DMD: variants seen among roughly 807,000 people sequenced by gnomAD.
DMD encodes dystrophin.
A neutral mutation model predicts 330.1 loss-of-function variants in DMD; 63 were observed. The observed-to-expected ratio is 0.19, with a 90% CI of 0.16 to 0.24. The LOEUF (loss-of-function observed/expected upper bound fraction) is 0.24. Among genes scored for constraint, DMD ranks in the 10% least tolerant of loss-of-function variants. DMD has a pLI of 1.00. For synonymous variants in DMD, 1,223 were observed against 959.8 expected, an observed-to-expected ratio of 1.27 and a Z score of -5.07; for missense variants, 3,344 against 2,684.1, an observed-to-expected ratio of 1.25 and a Z score of -5.43.
chrX:31,269,678 AAAG>A (rs2051465531), intron 62 of DMD, among the ~76,000 whole-genome samples: 1 of 112,276 alleles, frequency 8.9e-6, no homozygotes, highest in South Asian at 3.7e-4. Flanking sequence ...AAATAGAGAT[AAAG>A]AAGAAATGAA....
intron 17 of DMD, among the ~76,000 whole-genome samples, chrX:32,522,714 C>G (rs1348744054): frequency 8.9e-6 from 1 of 112,074 alleles, no homozygotes; most frequent in Admixed American, 9.4e-5. Context: ...ACAAATTTCG[C>G]TTCATATTTT....
At chrX:32,913,247 A>G (rs985889043) in intron 2 of DMD, among the ~76,000 whole-genome samples, 5 of 111,951 alleles carry the variant, frequency 4.5e-5, no homozygotes, top group Admixed American at 1.9e-4. Context: ...ACTTTGAAGA[A>G]ACAGTTTTCC....
intron 43 of DMD, among the ~76,000 whole-genome samples, chrX:32,265,158 C>A: frequency 8.9e-6 from 1 of 111,859 alleles, no homozygotes; most frequent in East Asian, 2.9e-4. Context: ...AAATGGTTTC[C>A]TGGGCCGGGC....
chrX:32,618,660 A>C (rs1038403120), intron 11 of DMD, among the ~76,000 whole-genome samples: 1 of 111,568 alleles, frequency 9.0e-6, no homozygotes, highest in African/African-American at 3.3e-5. Flanking sequence ...TGCACCTAAA[A>C]GTTAAAATAT....
At chrX:31,451,482 A>T (rs1202519751) in intron 59 of DMD, among the ~76,000 whole-genome samples, 1 of 109,127 alleles carries the variant, frequency 9.2e-6, no homozygotes, top group Non-Finnish European at 1.9e-5. Flanking sequence ...GGGTTTCACC[A>T]TGTTGGCCAG....
chrX:31,245,589 A>AT (rs957521464), intron 63 of DMD, among the ~76,000 whole-genome samples: 1 of 111,756 alleles, frequency 8.9e-6, no homozygotes, highest in African/African-American at 3.3e-5. Flanking sequence ...GTCTATGGAC[A>AT]TTTTTCCAGC....
At chrX:32,042,968 GT>G (rs950260809) in intron 44 of DMD, among the ~76,000 whole-genome samples, 4 of 112,235 alleles carry the variant, frequency 3.6e-5, no homozygotes, top group African/African-American at 1.3e-4. Flanking sequence ...GCTATAGTCA[GT>G]AATAACTTAA....
chrX:32,258,413 C>T (rs1430571292), intron 43 of DMD, among the ~76,000 whole-genome samples: 1 of 111,519 alleles, frequency 9.0e-6, no homozygotes, highest in African/African-American at 3.3e-5. Context: ...TGGAACCAAC[C>T]CAAATGCCCA....
chrX:32,113,855 T>C (rs753210382), intron 44 of DMD, among the ~76,000 whole-genome samples: 7 of 111,866 alleles, frequency 6.3e-5, no homozygotes, highest in Non-Finnish European at 1.3e-4. Context: ...GGGATATATA[T>C]TAATATTTCA....
intron 42 of DMD, among the ~76,000 whole-genome samples, chrX:32,307,360 A>G (rs1170664783): frequency 9.0e-6 from 1 of 111,437 alleles, no homozygotes; most frequent in Non-Finnish European, 1.9e-5. Flanking sequence ...TTATCCACCA[A>G]AAGTTATTTG....
intron 63 of DMD, among the ~76,000 whole-genome samples, chrX:31,231,325 T>C (rs1222257805): frequency 4.5e-5 from 5 of 111,309 alleles, no homozygotes; most frequent in African/African-American, 1.6e-4. Context: ...ACATATTTTA[T>C]ATATTTATAA....
intron 1 of DMD, among the ~76,000 whole-genome samples, chrX:33,095,457 T>C (rs929312690): frequency 8.9e-6 from 1 of 112,318 alleles, no homozygotes. Flanking sequence ...GCAGAACAAT[T>C]TCAAGGGAAC....
chrX:33,030,326 C>T lies in DMD; in HGVS notation c.32-10126G>A, dbSNP rs914382499. On this transcript the variant is annotated intron_variant, in intron 1 of 78. Transcript: ENST00000357033. ...AATATGCAAAAAATTCAAGTCTTCT[C>T]GATTTGAAAGATAAAAACAAAATAT... 3.6e-5 allele frequency among the ~76,000 whole-genome samples: 4 copies of T among 111,190 alleles called. No individual in the cohort carries two copies. In the South Asian group the frequency reaches 1.5e-3, roughly 42 times the overall value.
intron 60 of DMD, among the ~76,000 whole-genome samples, chrX:31,370,548 G>A (rs1028409614): frequency 3.6e-5 from 4 of 112,365 alleles, no homozygotes; most frequent in African/African-American, 1.3e-4. Flanking sequence ...CCAAATGTTG[G>A]TGAAGATGCA....
At chrX:32,508,449 G>A (rs755925303) in intron 18 of DMD, among the ~76,000 whole-genome samples, 153 of 111,380 alleles carry the variant, frequency 1.4e-3, no homozygotes, top group African/African-American at 4.7e-3. Context: ...ACAAAGAGAT[G>A]TTAAAGAAGA....
At chrX:31,231,153 A>T (rs909678623) in intron 63 of DMD, among the ~76,000 whole-genome samples, 1 of 110,814 alleles carries the variant, frequency 9.0e-6, no homozygotes, top group Admixed American at 9.6e-5. Context: ...ATTATATATA[A>T]AACATACAAT....
At chrX:32,365,341 T>C in intron 34 of DMD, 142 bp from the exon 35 acceptor site, 1 of 526,533 alleles carries the variant, frequency 1.9e-6, no homozygotes, top group Non-Finnish European at 3.1e-6. Context: ...ATGAAAACCA[T>C]ACCATATATA....
intron 59 of DMD, 86 bp downstream of exon 59, chrX:31,478,020 G>A: frequency 9.6e-7 from 1 of 1,045,246 alleles, no homozygotes; most frequent in Non-Finnish European, 1.3e-6. Context: ...CTTTAACTTT[G>A]TGGGAAGATA....
chrX:33,146,804 G>A (rs2048054528), intron 1 of DMD, among the ~76,000 whole-genome samples: 1 of 111,023 alleles, frequency 9.0e-6, no homozygotes, highest in Non-Finnish European at 1.9e-5. Flanking sequence ...TTAGTATTTT[G>A]TTGAAGACAA....
Sources: gnomAD v4.1 joint callset for allele counts (sites outside exome capture counted in the v4.1 genomes callset) on GRCh38, gnomAD v4.1.1 for gene constraint, MANE v1.5 for transcripts, NCBI Gene and HGNC (gene_info 2026-07-23, HGNC 2026-07-21) for gene names.